The following ANKS1B variants were observed in gnomAD, a reference collection of about 807,000 sequenced individuals.
ANKS1B encodes the protein ankyrin repeat and sterile alpha motif domain containing 1B.
Under a neutral mutation model 148.3 loss-of-function variants are expected in ANKS1B, and 36 were observed. The observed-to-expected ratio is 0.24, with a 90% CI of 0.19 to 0.32. The LOEUF is 0.32. Ranked by LOEUF, ANKS1B falls within the 10% of genes least tolerant of loss-of-function variation. The pLI is 1.00. For synonymous variants in ANKS1B, 542 were observed against 560.8 expected (o/e 0.97, Z 0.47); for missense variants, 1,157 against 1,542.6 (o/e 0.75, Z 4.19).
chr12:98,759,745 G>A (rs1430685393), intron 25 of ANKS1B, among the ~76,000 whole-genome samples: 1 of 152,122 alleles, frequency 6.6e-6, no homozygotes. Context: ...CATGAAAACT[G>A]GAGGCGGGTG....
chr12:98,797,910 T>C (rs1594026000), intron 22 of ANKS1B, among the ~76,000 whole-genome samples: 1 of 152,192 alleles, frequency 6.6e-6, no homozygotes, highest in African/African-American at 2.4e-5. Flanking sequence ...AATTTGACTT[T>C]AGTTAGATGC....
intron 1 of ANKS1B, among the ~76,000 whole-genome samples, chr12:99,955,675 A>G (rs149586016): frequency 7.9e-4 from 120 of 152,176 alleles, no homozygotes; most frequent in African/African-American, 2.8e-3. Flanking sequence ...TGAACCAATA[A>G]CTTGCAGGCT....
chr12:98,783,181 G>A (rs953519689), intron 22 of ANKS1B, among the ~76,000 whole-genome samples: 8 of 152,166 alleles, frequency 5.3e-5, no homozygotes, highest in African/African-American at 1.2e-4. Flanking sequence ...AAATCTATTC[G>A]TTATTTGTTC....
At chr12:98,859,969 AAATTG>A (rs1300663732) in intron 17 of ANKS1B, among the ~76,000 whole-genome samples, 1 of 152,258 alleles carries the variant, frequency 6.6e-6, no homozygotes, top group African/African-American at 2.4e-5. Context: ...AACAGAAGTT[AAATTG>A]AATTGATTTT....
At chr12:99,217,612 C>A (rs2084416871) in intron 14 of ANKS1B, among the ~76,000 whole-genome samples, 1 of 152,114 alleles carries the variant, frequency 6.6e-6, no homozygotes, top group Admixed American at 6.6e-5. Flanking sequence ...CCAGAGGCAG[C>A]ATTTTGAATA....
chr12:99,018,341 C>G (rs1000165322), intron 17 of ANKS1B, among the ~76,000 whole-genome samples: 2 of 152,114 alleles, frequency 1.3e-5, no homozygotes, highest in African/African-American at 4.8e-5. Flanking sequence ...GGGTCCTCCC[C>G]CAGACACGGA....
At chr12:98,882,489 T>G (rs1191861909) in intron 17 of ANKS1B, among the ~76,000 whole-genome samples, 3 of 152,174 alleles carry the variant, frequency 2.0e-5, no homozygotes, top group African/African-American at 7.2e-5. Context: ...CTATTGCTGC[T>G]TTGCTAGAAA....
rs2099967418 is a variant in ANKS1B, at chr12:99,053,262, C to T, written c.2673G>A (p.Glu891=). ...HDGYHPTSVA[E]WLDSIELGDY... is the part of the protein sequence containing the mutation. ...CGCCCAGTTCAATGGAATCCAGCCA[C>T]TCAGCTACAGAGGTGGGATGGTAGC... is the stretch of plus-strand genomic sequence containing the variant. Residue 891 remains glutamate, a synonymous_variant, in exon 17 of 27, where the codon GAG becomes GAA. Transcript: ENST00000683438. The T allele has an allele frequency of 2.5e-6, 4 of 1,611,624 alleles. No homozygotes were observed. Among genetic ancestry groups the T allele is most frequent in the East Asian group, 2.2e-5 (1 of 44,838 alleles).
At chr12:98,838,451 T>C (rs1306961839) in intron 17 of ANKS1B, among the ~76,000 whole-genome samples, 1 of 140,086 alleles carries the variant, frequency 7.1e-6, no homozygotes, top group Non-Finnish European at 1.6e-5. Context: ...CTCAGTGCCA[T>C]ATTTTGCATT....
chr12:99,846,132 A>T (rs2086632117), intron 1 of ANKS1B, among the ~76,000 whole-genome samples: 1 of 151,778 alleles, frequency 6.6e-6, no homozygotes, highest in African/African-American at 2.4e-5. Flanking sequence ...TCTTGGCTTT[A>T]TCTCTTGAAA....
In ANKS1B at chr12:99,392,750, T is replaced by C. The variant is rs150327792; in HGVS notation, c.1756+6881A>G. Among the ~76,000 whole-genome samples, 1,030 of 152,300 alleles carry C rather than the reference T, an allele frequency of 6.8e-3. 16 individuals are homozygous for C. Among genetic ancestry groups the C allele is most frequent in the African/African-American group, 0.024 (985 of 41,548 alleles). On this transcript the variant is annotated intron_variant, in intron 12 of 26. Coordinates refer to ENST00000683438, the MANE Select transcript of ANKS1B (RefSeq NM_001352186.2). ...TCAGAACTCATAAATTCACTCACAA[T>C]AGGCTGAGATGCTATTTTTCGGTCT... is the stretch of plus-strand genomic sequence containing the variant.
chr12:99,179,373 G>A (rs1382335551), intron 14 of ANKS1B, among the ~76,000 whole-genome samples: 1 of 142,582 alleles, frequency 7.0e-6, no homozygotes, highest in Non-Finnish European at 1.5e-5. Context: ...AGCTTGCAGT[G>A]AGCCGAAATG....
intron 5 of ANKS1B, among the ~76,000 whole-genome samples, chr12:99,780,483 T>C (rs919724530): frequency 4.0e-5 from 6 of 151,830 alleles, no homozygotes; most frequent in Non-Finnish European, 7.4e-5. Context: ...GGGGTTTCAC[T>C]GTGTTAGCAA....
At chr12:98,760,589 T>C (rs963946193) in intron 25 of ANKS1B, among the ~76,000 whole-genome samples, 5 of 152,234 alleles carry the variant, frequency 3.3e-5, no homozygotes, top group African/African-American at 7.2e-5. Flanking sequence ...CTGCAGGTGC[T>C]GTCATGGCTC....
At chr12:99,402,033 T>C (rs1398299521) in intron 11 of ANKS1B, among the ~76,000 whole-genome samples, 2 of 146,842 alleles carry the variant, frequency 1.4e-5, no homozygotes, top group African/African-American at 2.6e-5. Flanking sequence ...GAAATATTTA[T>C]TATGTCTGGC....
At chr12:99,461,048 G>GTA (rs149509078) in intron 10 of ANKS1B, among the ~76,000 whole-genome samples, 8,459 of 145,156 alleles carry the variant, frequency 0.058, 299 homozygotes, top group South Asian at 0.1. Flanking sequence ...ATATATACAT[G>GTA]TATATATATA....
chr12:99,123,114 A>G lies in ANKS1B; in HGVS notation c.2526+31175T>C, dbSNP rs532235467. 6.0e-4 allele frequency among the ~76,000 whole-genome samples: 91 copies of G among 152,050 alleles called. 1 individual carries two copies. Among genetic ancestry groups the G allele is most frequent in the African/African-American group, 2.1e-3 (89 of 41,492 alleles). Reference sequence around the variant, plus strand: ...AGATGCCAGTTTTAGTGATGTCTATAGTCTGGTTTGAGGGGCAAGAAGGGA... The same window carrying G: ...AGATGCCAGTTTTAGTGATGTCTATGGTCTGGTTTGAGGGGCAAGAAGGGA... On this transcript the variant is annotated intron_variant, in intron 15 of 26. Transcript: ENST00000683438.
At chr12:99,291,352 C>G (rs1401087716) in intron 12 of ANKS1B, among the ~76,000 whole-genome samples, 1 of 152,054 alleles carries the variant, frequency 6.6e-6, no homozygotes, top group Non-Finnish European at 1.5e-5. Context: ...CAATCCCTAT[C>G]AAATATCAAT....
In ANKS1B at chr12:98,751,769, G is replaced by A. The variant is rs73149021; in HGVS notation, c.3580-247C>T. ...TCAAATCACTAAGACAAACGAAAAA[G>A]TCAGCTGGGAACTGTGTTGGGCAAA... On this transcript the variant is annotated intron_variant, in intron 25 of 26. Coordinates refer to ENST00000683438, the MANE Select transcript of ANKS1B (RefSeq NM_001352186.2). The surrounding 1 kb of genome is among the most constrained non-coding windows in gnomAD (Gnocchi z 4.3). Among the ~76,000 whole-genome samples, 3,059 of 152,294 alleles carry A rather than the reference G, an allele frequency of 0.02. 67 individuals carry two copies. The highest frequency in any genetic ancestry group is 0.026 in the South Asian group (124 of 4,830).
Sources: allele counts gnomAD v4.1 joint callset (sites outside exome capture counted in the v4.1 genomes callset), GRCh38; gene constraint gnomAD v4.1.1; non-coding constraint Gnocchi (gnomAD v3.1); transcripts MANE v1.5; gene names NCBI Gene and HGNC (gene_info 2026-07-23, HGNC 2026-07-21).